The following NRXN3 variants were observed in gnomAD, a reference collection of about 807,000 sequenced individuals.
NRXN3 encodes the protein neurexin 3.
Under a neutral mutation model 137.6 loss-of-function variants are expected in NRXN3, and 32 were observed. The ratio of observed to expected loss-of-function variants is 0.23; its 90% CI spans 0.18 to 0.31. The LOEUF (loss-of-function observed/expected upper bound fraction) is 0.31. Ranked by LOEUF, NRXN3 falls within the 10% of genes least tolerant of loss-of-function variation. The pLI is 1.00. For missense variants in NRXN3, 1,574 were observed against 2,062.5 expected, an observed-to-expected ratio of 0.76 and a Z score of 4.59; for synonymous variants, 798 against 784.5, an observed-to-expected ratio of 1.02 and a Z score of -0.29.
chr14:79,262,471 AAGG>A (rs1281411847), intron 15 of NRXN3, among the ~76,000 whole-genome samples: 6 of 149,272 alleles, frequency 4.0e-5, no homozygotes, highest in African/African-American at 2.5e-5. Flanking sequence ...AGGAAGGAGA[AAGG>A]AGGAGGAGAA....
chr14:78,379,974 TATG>T (rs1426968496), intron 4 of NRXN3, among the ~76,000 whole-genome samples: 3 of 152,286 alleles, frequency 2.0e-5, no homozygotes, highest in African/African-American at 2.4e-5. Context: ...AAAATTAAAA[TATG>T]ATGCCATTTA....
chr14:79,464,162 T>A (rs910738288), intron 15 of NRXN3, among the ~76,000 whole-genome samples: 18 of 152,274 alleles, frequency 1.2e-4, no homozygotes, highest in African/African-American at 4.1e-4. Flanking sequence ...TATGGGAGCA[T>A]TCAGGGCCTT....
chr14:78,338,333 G>A (rs2081726823), intron 4 of NRXN3, among the ~76,000 whole-genome samples: 1 of 152,228 alleles, frequency 6.6e-6, no homozygotes, highest in Non-Finnish European at 1.5e-5. Context: ...GTGATGGACA[G>A]TGCAGAATGG....
chr14:79,131,178 C>T (rs938736834), intron 15 of NRXN3, among the ~76,000 whole-genome samples: 1 of 152,212 alleles, frequency 6.6e-6, no homozygotes, highest in Non-Finnish European at 1.5e-5. Context: ...TCTCTCAGCT[C>T]ATCAAAGTCA....
At chr14:78,220,126 T>C (rs1566996042) in intron 1 of NRXN3, among the ~76,000 whole-genome samples, 1 of 151,906 alleles carries the variant, frequency 6.6e-6, no homozygotes, top group Non-Finnish European at 1.5e-5. Flanking sequence ...GGAAGGTAAA[T>C]TCAGAAGGAA....
At chr14:78,804,915 A>C (rs1216666239) in intron 9 of NRXN3, among the ~76,000 whole-genome samples, 1 of 152,212 alleles carries the variant, frequency 6.6e-6, no homozygotes, top group Non-Finnish European at 1.5e-5. Context: ...GTTTGGATAC[A>C]GTGATACCTT....
intron 15 of NRXN3, among the ~76,000 whole-genome samples, chr14:79,234,502 A>G (rs2073028583): frequency 6.6e-6 from 1 of 150,414 alleles, no homozygotes; most frequent in African/African-American, 2.4e-5. Context: ...CTCCCGCCTC[A>G]GCCTCCCGAG....
At chr14:79,518,666 C>G (rs115500023) in intron 16 of NRXN3, among the ~76,000 whole-genome samples, 1 of 152,146 alleles carries the variant, frequency 6.6e-6, no homozygotes, top group South Asian at 2.1e-4. Flanking sequence ...ATAATTTTAT[C>G]ACTCTCTTTC....
chr14:78,931,056 G>T (rs1488855204), intron 10 of NRXN3, among the ~76,000 whole-genome samples: 1 of 152,152 alleles, frequency 6.6e-6, no homozygotes, highest in Non-Finnish European at 1.5e-5. Flanking sequence ...AAAATGAGTG[G>T]TATACAATGA....
At position 79,541,883 on chromosome 14, in the gene NRXN3, G is replaced by A. The variant is rs546144697; in HGVS notation, c.3444+74481G>A. ...AAACCTATTGTAGGAATTTGACTTT[G>A]GTTGGGTAATATGAGGAAGCGTCCA... On this transcript the variant is annotated intron_variant, in intron 16 of 20. Coordinates refer to ENST00000335750, the MANE Select transcript of NRXN3 (RefSeq NM_001330195.2). 3.3e-5 allele frequency among the ~76,000 whole-genome samples: 5 copies of A among 152,254 alleles called. No homozygotes were observed. The South Asian group carries it at 1.0e-3, about 32-fold the overall frequency.
chr14:79,663,230 A>ATG (rs1491275601), intron 16 of NRXN3, among the ~76,000 whole-genome samples: 10 of 150,428 alleles, frequency 6.6e-5, no homozygotes, highest in African/African-American at 1.7e-4. Context: ...CATTATGTGC[A>ATG]TGTGTGTGTG....
At chr14:79,028,413 G>A (rs2099602034) in intron 15 of NRXN3, among the ~76,000 whole-genome samples, 1 of 152,116 alleles carries the variant, frequency 6.6e-6, no homozygotes, top group Non-Finnish European at 1.5e-5. Flanking sequence ...ACAGAGAGAA[G>A]GGAAATCATA....
intron 4 of NRXN3, among the ~76,000 whole-genome samples, chr14:78,597,737 T>C (rs1656504248): frequency 6.6e-6 from 1 of 152,342 alleles, no homozygotes; most frequent in South Asian, 2.1e-4. Context: ...CTCCTCTTCG[T>C]CATTTCTCAC....
At chr14:78,971,415 C>T (rs2099439585) in intron 14 of NRXN3, among the ~76,000 whole-genome samples, 1 of 144,264 alleles carries the variant, frequency 6.9e-6, no homozygotes, top group Non-Finnish European at 1.5e-5. Flanking sequence ...ATCTAGAATA[C>T]ACAGATAAAC....
intron 15 of NRXN3, among the ~76,000 whole-genome samples, chr14:79,092,505 T>G (rs956645755): frequency 6.6e-6 from 1 of 152,104 alleles, no homozygotes; most frequent in Non-Finnish European, 1.5e-5. Context: ...ACACACACCC[T>G]TGCCCTAAAA....
At chr14:79,297,172 C>T (rs1166612697) in intron 15 of NRXN3, among the ~76,000 whole-genome samples, 1 of 152,236 alleles carries the variant, frequency 6.6e-6, no homozygotes, top group Non-Finnish European at 1.5e-5. Context: ...CATAGGTTCT[C>T]ATAACCTTCT....
At chr14:78,392,840 C>T (rs2090955108) in intron 4 of NRXN3, among the ~76,000 whole-genome samples, 2 of 152,056 alleles carry the variant, frequency 1.3e-5, no homozygotes. Flanking sequence ...TGCCAGGTAT[C>T]TCTTAGTTGG....
chr14:78,864,481 G>T (rs912191203), intron 10 of NRXN3, among the ~76,000 whole-genome samples: 22 of 152,032 alleles, frequency 1.4e-4, no homozygotes, highest in African/African-American at 5.1e-4. Context: ...GTGAATTATT[G>T]TCATTAACTT....
intron 4 of NRXN3, among the ~76,000 whole-genome samples, chr14:78,502,857 G>A (rs1223414541): frequency 1.3e-5 from 2 of 152,202 alleles, no homozygotes; most frequent in African/African-American, 2.4e-5. Flanking sequence ...AAAGGGAGTA[G>A]CAGTGGTTGG....
Sources: allele counts gnomAD v4.1 joint callset (sites outside exome capture counted in the v4.1 genomes callset), GRCh38; gene constraint gnomAD v4.1.1; transcripts MANE v1.5; gene names NCBI Gene and HGNC (gene_info 2026-07-23, HGNC 2026-07-21).